Variants in TBC1D31 observed in about 807,000 individuals in gnomAD.
TBC1D31 encodes TBC1 domain family member 31, also known as WD repeat domain 67.
A neutral mutation model predicts 132.9 loss-of-function variants in TBC1D31; 99 were observed. The observed-to-expected ratio is 0.74, with a 90% CI of 0.63 to 0.88. The LOEUF (loss-of-function observed/expected upper bound fraction) is 0.88, where lower values mean the gene tolerates loss of function less well. TBC1D31 is among the 40% of genes least tolerant of loss of function. The pLI is 0.00. For missense variants in TBC1D31, 1,134 were observed against 1,256.6 expected, an observed-to-expected ratio of 0.90 and a Z score of 1.48; for synonymous variants, 385 against 419.4, an observed-to-expected ratio of 0.92 and a Z score of 1.00.
chr8:123,158,547 G>A, the TBC1D31 span, among the ~76,000 whole-genome samples: 1 of 151,892 alleles, frequency 6.6e-6, no homozygotes, highest in South Asian at 2.1e-4. Flanking sequence ...ACCTAGGTGG[G>A]TGTGCGGATA....
rs758764333 is a variant in TBC1D31, at chr8:123,128,400, A to C, written c.2004A>C (p.Ala668=). The C allele has an allele frequency of 6.2e-7, 1 of 1,612,946 alleles. No homozygotes were observed. The highest frequency in any genetic ancestry group is 8.5e-7 in the Non-Finnish European group (1 of 1,178,938). ...ACAGCATGCTTAATGTTTTTGTTGC[A>C]CTGACAAAAGGGCAGTATCCAGTAT... ...HPDSMLNVFV[A]LTKGQYPVFN... The change falls in exon 14 of 22, where the codon GCA becomes GCC. Residue 668 remains alanine, a synonymous_variant. Transcript: ENST00000287380.
chr8:123,111,967 C>G (rs552134435), intron 10 of TBC1D31, among the ~76,000 whole-genome samples: 32 of 152,290 alleles, frequency 2.1e-4, no homozygotes, highest in East Asian at 3.9e-4. Context: ...GATCCTCCCC[C>G]CTTAGCCTCC....
intron 8 of TBC1D31, among the ~76,000 whole-genome samples, chr8:123,105,789 A>T (rs1017532917): frequency 6.6e-6 from 1 of 152,214 alleles, no homozygotes; most frequent in African/African-American, 2.4e-5. Context: ...TTAATGACAA[A>T]TATAATCACA....
intron 18 of TBC1D31, among the ~76,000 whole-genome samples, chr8:123,141,353 A>C (rs1441508374): frequency 7.0e-6 from 1 of 141,882 alleles, no homozygotes; most frequent in Non-Finnish European, 1.6e-5. Flanking sequence ...GTGGACTATT[A>C]ACTATTATTC....
At chr8:123,096,103 A>G (rs750050196) in intron 5 of TBC1D31, among the ~76,000 whole-genome samples, 2 of 152,058 alleles carry the variant, frequency 1.3e-5, no homozygotes, top group East Asian at 1.9e-4. Flanking sequence ...CTCATTTCCT[A>G]TAGTCATTCT....
chr8:123,157,714 C>CGA, the TBC1D31 span, among the ~76,000 whole-genome samples: 575 of 107,246 alleles, frequency 5.4e-3, 3 homozygotes, highest in African/African-American at 0.022. Flanking sequence ...CACGGGCGCG[C>CGA]GCGCGCACAC....
chr8:123,126,831 T>A lies in TBC1D31; in HGVS notation c.1884+144T>A, dbSNP rs1820096028. ...ATCTCAGCTCACTGCAACCTCCGCC[T>A]CCCAAGTTCAAGCGATTCTCCTGCC... is the stretch of plus-strand genomic sequence containing the variant. On this transcript the variant is annotated intron_variant, in intron 13 of 21. Transcript: ENST00000287380. 4.6e-6 allele frequency: 3 copies of A among 646,886 alleles called. No individual in the cohort carries two copies. The South Asian group carries it at 7.3e-5, about 16-fold the overall frequency. 40.1% of individuals were successfully genotyped at this position (646,886 alleles called of 1,614,324 possible). A position where few individuals can be genotyped will look rare whatever the true frequency, so the allele number is the denominator to read the frequency against.
At chr8:123,150,461 C>A (rs2130986264) in intron 21 of TBC1D31, among the ~76,000 whole-genome samples, 1 of 152,310 alleles carries the variant, frequency 6.6e-6, no homozygotes, top group Admixed American at 6.5e-5. Context: ...ATTTTGACAT[C>A]CTTGTGAAAA....
chr8:123,110,113 A>G (rs1818305110), intron 10 of TBC1D31, among the ~76,000 whole-genome samples: 1 of 152,202 alleles, frequency 6.6e-6, no homozygotes, highest in Non-Finnish European at 1.5e-5. Flanking sequence ...GAACAGAGGC[A>G]TAGTGGAAAG....
At chr8:123,152,773 G>A (rs1218109543), downstream of TBC1D31, among the ~76,000 whole-genome samples, 1 of 152,066 alleles carries the variant, frequency 6.6e-6, no homozygotes, top group East Asian at 1.9e-4. Context: ...TGGAAGGCAG[G>A]GGGAGGGGAA....
intron 20 of TBC1D31, 28 bp downstream of exon 20, chr8:123,144,883 A>G: frequency 1.9e-6 from 3 of 1,581,532 alleles, no homozygotes; most frequent in Non-Finnish European, 2.6e-6. Context: ...CTTTCTCTCC[A>G]TGATGTTACA....
intron 1 of TBC1D31, among the ~76,000 whole-genome samples, chr8:123,075,245 T>A (rs1004368211): frequency 6.6e-6 from 1 of 152,220 alleles, no homozygotes; most frequent in Non-Finnish European, 1.5e-5. Flanking sequence ...TTTTAATTCC[T>A]TGGGGACTAG....
chr8:123,093,478 C>T, intron 4 of TBC1D31, 113 bp from the exon 5 acceptor site: 1 of 620,066 alleles, frequency 1.6e-6, no homozygotes, highest in Non-Finnish European at 2.5e-6. Flanking sequence ...GTATTTTCCC[C>T]AGCTTAAGAA....
At chr8:123,156,485 C>A (rs1822993076), downstream of TBC1D31, among the ~76,000 whole-genome samples, 1 of 151,006 alleles carries the variant, frequency 6.6e-6, no homozygotes, top group South Asian at 2.1e-4. Context: ...TGAAGAGACT[C>A]ATGCCACCAG....
At chr8:123,077,835 G>A (rs571062839) in intron 2 of TBC1D31, among the ~76,000 whole-genome samples, 1 of 152,266 alleles carries the variant, frequency 6.6e-6, no homozygotes, top group African/African-American at 2.4e-5. Context: ...GATCGCTTGA[G>A]GTCAGGAGTT....
intron 13 of TBC1D31, among the ~76,000 whole-genome samples, chr8:123,127,627 A>G (rs921453616): frequency 3.9e-5 from 6 of 152,150 alleles, no homozygotes; most frequent in Non-Finnish European, 5.9e-5. Context: ...TCTGTGCATA[A>G]TCTTATCATG....
At position 123,105,317 on chromosome 8, in the gene TBC1D31, A is replaced by C. The variant is rs1262052546; in HGVS notation, c.1062A>C (p.Glu354Asp). The change falls in exon 8 of 22, where the codon GAA (glutamate) becomes GAC (aspartate). Residue 354 changes from glutamate to aspartate, a missense_variant. Glu to Asp is a conservative substitution (Grantham distance 45, BLOSUM62 2). Coordinates refer to ENST00000287380, the MANE Select transcript of TBC1D31 (RefSeq NM_145647.4). ...CTCCGCCTTTAGTGAAAGTTATTGA[A>C]GATTTGCCCAAGAATAAACTGAGTT... Reference protein sequence around the residue: ...KPPPPLVKVIEDLPKNKLSSS... With the variant: ...KPPPPLVKVIDDLPKNKLSSS... The C allele has an allele frequency of 6.3e-7, 1 of 1,584,388 alleles. No homozygotes were observed. Among genetic ancestry groups the C allele is most frequent in the Admixed American group, 1.8e-5 (1 of 56,200 alleles).
intron 10 of TBC1D31, among the ~76,000 whole-genome samples, chr8:123,111,450 C>T (rs1818427712): frequency 6.6e-6 from 1 of 151,920 alleles, no homozygotes; most frequent in Admixed American, 6.6e-5. Flanking sequence ...CTTGGAGCTC[C>T]CCAGAGCAAT....
At chr8:123,128,823 C>A (rs1043557852) in intron 14 of TBC1D31, among the ~76,000 whole-genome samples, 1 of 151,078 alleles carries the variant, frequency 6.6e-6, no homozygotes, top group Non-Finnish European at 1.5e-5. Flanking sequence ...TTGCAGTGAG[C>A]GGAGATCATG....
Sources: allele counts gnomAD v4.1 joint callset (sites outside exome capture counted in the v4.1 genomes callset), GRCh38; gene constraint gnomAD v4.1.1; transcripts MANE v1.5; gene names NCBI Gene and HGNC (gene_info 2026-07-23, HGNC 2026-07-21).